EYA1: variants seen among roughly 807,000 people sequenced by gnomAD.
EYA1 encodes protein phosphatase EYA1.
Under a neutral mutation model 82.0 loss-of-function variants are expected in EYA1, and 16 were observed. The observed-to-expected ratio is 0.20, with a 90% CI of 0.13 to 0.30. The LOEUF is 0.30. Ranked by LOEUF, EYA1 falls within the 10% of genes least tolerant of loss-of-function variation. The pLI is 1.00. For missense variants in EYA1, 633 were observed against 730.7 expected (o/e 0.87, Z 1.54); for synonymous variants, 261 against 264.4 (o/e 0.99, Z 0.12).
At chr8:71,530,431 G>T (rs1257163160) in intron 2 of EYA1, among the ~76,000 whole-genome samples, 4 of 152,184 alleles carry the variant, frequency 2.6e-5, no homozygotes, top group Non-Finnish European at 4.4e-5. Flanking sequence ...TGTTACAGAA[G>T]TCCTAAGAAA....
intron 2 of EYA1, among the ~76,000 whole-genome samples, chr8:71,498,918 C>T (rs906858537): frequency 3.3e-5 from 5 of 152,130 alleles, no homozygotes; most frequent in African/African-American, 1.2e-4. Context: ...CTGCAAACAT[C>T]CTCCTGAGGA....
At chr8:71,499,157 A>T (rs1811636216) in intron 2 of EYA1, among the ~76,000 whole-genome samples, 1 of 152,144 alleles carries the variant, frequency 6.6e-6, no homozygotes, top group Non-Finnish European at 1.5e-5. Context: ...TAGGGGAGGT[A>T]CACTTGGTCA....
chr8:71,470,731 G>A (rs1809125059), intron 2 of EYA1: 1 of 338,984 alleles, frequency 2.9e-6, no homozygotes, highest in Non-Finnish European at 5.7e-6. Flanking sequence ...AACACTCAAG[G>A]ATTAAGGGGG....
At chr8:71,478,008 TGGTTGCCA>T (rs1236010272) in intron 2 of EYA1, among the ~76,000 whole-genome samples, 1 of 151,872 alleles carries the variant, frequency 6.6e-6, no homozygotes, top group African/African-American at 2.4e-5. Flanking sequence ...AGTAGATGAG[TGGTTGCCA>T]GGAGCTAGGA....
chr8:71,456,311 T>A (rs1232030728), intron 2 of EYA1, among the ~76,000 whole-genome samples: 1 of 152,086 alleles, frequency 6.6e-6, no homozygotes, highest in African/African-American at 2.4e-5. Flanking sequence ...AGAATCAATA[T>A]CGTGAAAATG....
At chr8:71,385,717 T>A (rs1483406205) in intron 2 of EYA1, among the ~76,000 whole-genome samples, 1 of 152,314 alleles carries the variant, frequency 6.6e-6, no homozygotes, top group Non-Finnish European at 1.5e-5. Flanking sequence ...TTTAACGCAA[T>A]GTTTTTCCAG....
rs953491227 is a variant in EYA1 at position 71,491,896 on chromosome 8, T to C, written c.33+43848A>G. ...CCAACACAATTATACGGGTATTTAA[T>C]TAAAATGTAGATTTTTTTTTTTAAC... On this transcript the variant is annotated intron_variant, in intron 2 of 18. Coordinates refer to the EYA1 transcript ENST00000643681. Among the ~76,000 whole-genome samples, 19 of 152,312 alleles carry C rather than the reference T, an allele frequency of 1.2e-4. 1 individual carries two copies. In the South Asian group the frequency reaches 3.7e-3, roughly 30 times the overall value.
At chr8:71,479,573 C>T (rs937157959) in intron 2 of EYA1, among the ~76,000 whole-genome samples, 12 of 144,850 alleles carry the variant, frequency 8.3e-5, no homozygotes, top group African/African-American at 2.8e-4. Context: ...TGCATAAACA[C>T]TGTTGAATGA....
chr8:71,527,152 A>T (rs1390014097), intron 2 of EYA1, among the ~76,000 whole-genome samples: 2 of 152,188 alleles, frequency 1.3e-5, no homozygotes, highest in African/African-American at 2.4e-5. Flanking sequence ...ATTTGGGAAA[A>T]AAAGAGAAGC....
chr8:71,369,528 C>T (rs1827968025), intron 2 of EYA1, among the ~76,000 whole-genome samples: 1 of 152,094 alleles, frequency 6.6e-6, no homozygotes, highest in African/African-American at 2.4e-5. Flanking sequence ...TGGTACACAC[C>T]TTACCAAATT....
At chr8:71,474,307 A>C (rs1809481165) in intron 2 of EYA1, among the ~76,000 whole-genome samples, 1 of 152,144 alleles carries the variant, frequency 6.6e-6, no homozygotes, top group South Asian at 2.1e-4. Flanking sequence ...AGTGGCTATC[A>C]GCATAGTACT....
chr8:71,401,114 C>T (rs73294261), intron 2 of EYA1, among the ~76,000 whole-genome samples: 12 of 152,148 alleles, frequency 7.9e-5, no homozygotes, highest in African/African-American at 2.2e-4. Context: ...GGGAGGGGAA[C>T]GAACACACTG....
intron 9 of EYA1, among the ~76,000 whole-genome samples, chr8:71,280,150 C>T (rs1220868783): frequency 2.0e-5 from 3 of 152,266 alleles, no homozygotes; most frequent in South Asian, 4.1e-4. Context: ...ACTTGTTTAC[C>T]AGGCTCTTTG....
chr8:71,215,758 C>T (rs1455874601), intron 14 of EYA1, 30 bp from the exon 15 acceptor site: 12 of 1,422,328 alleles, frequency 8.4e-6, no homozygotes, highest in Non-Finnish European at 1.2e-5. Flanking sequence ...TGATGAACTA[C>T]TTCCTGACCA....
chr8:71,288,677 T>A (rs1002036230), intron 9 of EYA1, among the ~76,000 whole-genome samples: 15 of 152,238 alleles, frequency 9.9e-5, no homozygotes, highest in African/African-American at 3.6e-4. Flanking sequence ...ATCAATTGTT[T>A]GAAATTCAGA....
chr8:71,380,997 G>A (rs958021953), intron 2 of EYA1, among the ~76,000 whole-genome samples: 19 of 152,338 alleles, frequency 1.2e-4, no homozygotes, highest in Middle Eastern at 3.4e-3. Flanking sequence ...GCCTGCAGGT[G>A]GACTGCCATT....
At chr8:71,408,760 A>G (rs1830422161) in intron 2 of EYA1, among the ~76,000 whole-genome samples, 1 of 139,320 alleles carries the variant, frequency 7.2e-6, no homozygotes, top group Non-Finnish European at 1.5e-5. Context: ...TTAGACTCCC[A>G]CACATTAATA....
At chr8:71,321,573 C>G (rs934563823) in intron 6 of EYA1, among the ~76,000 whole-genome samples, 161 bp downstream of exon 6, 1 of 152,194 alleles carries the variant, frequency 6.6e-6, no homozygotes, top group Non-Finnish European at 1.5e-5. Context: ...GCTACCAGTT[C>G]TTATAATGCT....
chr8:71,508,038 A>T (rs573011033), intron 2 of EYA1, among the ~76,000 whole-genome samples: 20 of 152,172 alleles, frequency 1.3e-4, no homozygotes, highest in Non-Finnish European at 2.8e-4. Context: ...TTTAAAGGTG[A>T]TGCTCTAGGA....
Sources: gnomAD v4.1 joint callset for allele counts (sites outside exome capture counted in the v4.1 genomes callset) on GRCh38, gnomAD v4.1.1 for gene constraint, MANE v1.5 for transcripts, NCBI Gene and HGNC (gene_info 2026-07-23, HGNC 2026-07-21) for gene names.